ZMPSTE24: variants seen among roughly 807,000 people sequenced by gnomAD.
ZMPSTE24 encodes the protein CAAX prenyl protease 1 homolog.
A neutral mutation model predicts 56.7 loss-of-function variants in ZMPSTE24; 48 were observed. The observed-to-expected ratio is 0.85, with a 90% CI of 0.67 to 1.08. The LOEUF (loss-of-function observed/expected upper bound fraction) is 1.08, where lower values mean the gene tolerates loss of function less well. ZMPSTE24 is among the 50% of genes least tolerant of loss of function. ZMPSTE24 has a pLI of 0.00. For missense variants in ZMPSTE24, 503 were observed against 548.7 expected, an observed-to-expected ratio of 0.92 and a Z score of 0.83; for synonymous variants, 172 against 195.2, an observed-to-expected ratio of 0.88 and a Z score of 0.99.
At chr1:40,287,356 A>C (rs991385914) in intron 8 of ZMPSTE24, among the ~76,000 whole-genome samples, 4 of 152,144 alleles carry the variant, frequency 2.6e-5, no homozygotes, top group African/African-American at 9.6e-5. Flanking sequence ...GGCATAAGCC[A>C]CCGTGCCCGG....
chr1:40,289,132 TTGG>T (rs1333598795), intron 8 of ZMPSTE24, among the ~76,000 whole-genome samples: 4 of 152,222 alleles, frequency 2.6e-5, no homozygotes, highest in African/African-American at 9.6e-5. Context: ...TTGAGGGTTG[TTGG>T]TGGTAGGAGT....
intron 6 of ZMPSTE24, 84 bp from the exon 7 acceptor site, chr1:40,281,259 C>A: frequency 7.9e-7 from 1 of 1,272,728 alleles, no homozygotes; most frequent in Non-Finnish European, 1.1e-6. Context: ...AATGTCCTTT[C>A]CAGTAATTCA....
At chr1:40,261,688 T>G (rs907803056) in intron 2 of ZMPSTE24, among the ~76,000 whole-genome samples, 1 of 151,840 alleles carries the variant, frequency 6.6e-6, no homozygotes. Context: ...TAATGTGGGG[T>G]TTTTTTGTTG....
At chr1:40,265,840 T>C (rs1341000428) in intron 2 of ZMPSTE24, among the ~76,000 whole-genome samples, 1 of 152,166 alleles carries the variant, frequency 6.6e-6, no homozygotes, top group Non-Finnish European at 1.5e-5. Flanking sequence ...TCTAAGAAAT[T>C]CCCAGATGCT....
chr1:40,279,509 G>A (rs1643706015), intron 6 of ZMPSTE24, among the ~76,000 whole-genome samples: 1 of 152,094 alleles, frequency 6.6e-6, no homozygotes, highest in African/African-American at 2.4e-5. Flanking sequence ...TCGGGATTTG[G>A]CAAACTCTTG....
rs868310288 is a variant in ZMPSTE24, at chr1:40,293,742, T to C, written c.*1073T>C. 2 of 152,230 alleles carry C rather than the reference T, an allele frequency of 1.3e-5. No individual in the cohort carries two copies. Among genetic ancestry groups the C allele is most frequent in the Admixed American group, 6.5e-5 (1 of 15,284 alleles). 9.4% of individuals were successfully genotyped at this position (152,230 alleles called of 1,614,324 possible). On this transcript the variant is annotated 3_prime_UTR_variant, in exon 10 of 10. Transcript: ENST00000372759. ...TACAGTTCTTGAAATGCAGATAATG[T>C]TTACTTTGAAAACAAATGTCATGAA...
chr1:40,269,278 C>T (rs2124581621), intron 4 of ZMPSTE24, among the ~76,000 whole-genome samples: 1 of 151,834 alleles, frequency 6.6e-6, no homozygotes, highest in South Asian at 2.1e-4. Context: ...ACCTGAAGTC[C>T]CAGCTACTTG....
intron 2 of ZMPSTE24, among the ~76,000 whole-genome samples, chr1:40,265,294 A>G (rs1643537839): frequency 6.6e-6 from 1 of 152,210 alleles, no homozygotes; most frequent in South Asian, 2.1e-4. Flanking sequence ...TAGATCAACA[A>G]CTACAGCATA....
At chr1:40,271,856 G>A in intron 5 of ZMPSTE24, 38 bp from the exon 6 acceptor site, 2 of 1,607,764 alleles carry the variant, frequency 1.2e-6, no homozygotes, top group South Asian at 1.1e-5. Flanking sequence ...TTTTCTTTAA[G>A]AACATGTTCA....
At chr1:40,292,287 A>C (rs1643850936) in intron 9 of ZMPSTE24, among the ~76,000 whole-genome samples, 158 bp from the exon 10 acceptor site, 1 of 152,040 alleles carries the variant, frequency 6.6e-6, no homozygotes, top group African/African-American at 2.4e-5. Context: ...TCAATTTATA[A>C]TTTCCTCACC....
rs556688514 is a variant in ZMPSTE24, at chr1:40,285,400, C to A, written c.955-525C>A. On this transcript the variant is annotated intron_variant, in intron 7 of 9. Transcript: ENST00000372759. ...GATTGCAGGCATGAGCCACCATGCCCAGCAATATTTTGTATTTTTAGTAGA... is the reference window on the plus strand; with the variant it reads ...GATTGCAGGCATGAGCCACCATGCCAAGCAATATTTTGTATTTTTAGTAGA... Among the ~76,000 whole-genome samples, 6 of 152,122 alleles carry A rather than the reference C, an allele frequency of 3.9e-5. No individual in the cohort carries two copies. In the South Asian group the frequency reaches 1.2e-3, roughly 32 times the overall value.
intron 2 of ZMPSTE24, among the ~76,000 whole-genome samples, chr1:40,267,438 C>A (rs150286398): frequency 2.2e-4 from 33 of 150,530 alleles, no homozygotes; most frequent in African/African-American, 7.5e-4. Flanking sequence ...AATCACGGCT[C>A]ACTGGAGCCT....
chr1:40,282,211 A>G (rs1391979574), intron 7 of ZMPSTE24, among the ~76,000 whole-genome samples: 1 of 152,238 alleles, frequency 6.6e-6, no homozygotes, highest in Non-Finnish European at 1.5e-5. Context: ...AGATATAGTA[A>G]CTGGAGCACA....
At chr1:40,268,280 G>A (rs1325679121) in intron 3 of ZMPSTE24, 139 bp from the exon 4 acceptor site, 2 of 704,226 alleles carry the variant, frequency 2.8e-6, no homozygotes, top group African/African-American at 1.8e-5. Context: ...TGAAGGCAGG[G>A]ATGATATTTC....
chr1:40,259,701 C>T (rs991515147), intron 1 of ZMPSTE24, among the ~76,000 whole-genome samples: 9 of 152,140 alleles, frequency 5.9e-5, no homozygotes, highest in Admixed American at 5.9e-4. Flanking sequence ...AACTCGTGGG[C>T]TCAAACGACC....
rs1170402461 is a variant in ZMPSTE24, at chr1:40,293,395, G to C, written c.*726G>C. 1 of 151,600 alleles carries C rather than the reference G, an allele frequency of 6.6e-6. No homozygotes were observed. The allele number at this position is 151,600 out of a possible 1,614,324, so 9.4% of individuals were successfully genotyped here. ...CCGTGTCTTTATCTTTTTTTCCCAC[G>C]TGGTAGATATGATCCCATTGGAGGT... On this transcript the variant is annotated 3_prime_UTR_variant, in exon 10 of 10. Coordinates refer to ENST00000372759, the MANE Select transcript of ZMPSTE24 (RefSeq NM_005857.5).
chr1:40,258,625 T>C (rs985175953), intron 1 of ZMPSTE24, among the ~76,000 whole-genome samples: 1 of 152,168 alleles, frequency 6.6e-6, no homozygotes, highest in African/African-American at 2.4e-5. Flanking sequence ...CTTTAGGGCC[T>C]GGAGGAAGGC....
intron 6 of ZMPSTE24, among the ~76,000 whole-genome samples, chr1:40,274,138 G>A (rs1302781308): frequency 5.3e-5 from 8 of 152,182 alleles, no homozygotes; most frequent in Non-Finnish European, 7.4e-5. Context: ...GCTCCAGCCT[G>A]TAATCCCATC....
intron 4 of ZMPSTE24, 131 bp downstream of exon 4, chr1:40,268,666 T>C (rs1201551515): frequency 4.4e-6 from 3 of 682,442 alleles, no homozygotes; most frequent in Admixed American, 3.0e-5. Flanking sequence ...ACTACAGATA[T>C]GGTAAAGATC....
Sources: allele counts gnomAD v4.1 joint callset (sites outside exome capture counted in the v4.1 genomes callset), GRCh38; gene constraint gnomAD v4.1.1; transcripts MANE v1.5; gene names NCBI Gene and HGNC (gene_info 2026-07-23, HGNC 2026-07-21).